The following NDFIP1 variants were observed in gnomAD, a reference collection of about 807,000 sequenced individuals.
The protein encoded by NDFIP1 is Nedd4 family interacting protein 1.
In NDFIP1, 7 loss-of-function variants were observed where a neutral mutation model predicts 28.8. The observed-to-expected ratio is 0.24, with a 90% CI of 0.14 to 0.46. NDFIP1 has a LOEUF of 0.46. Ranked by LOEUF, NDFIP1 falls within the 20% of genes least tolerant of loss-of-function variation. The pLI is 0.99. For synonymous variants in NDFIP1, 92 were observed against 101.0 expected, an observed-to-expected ratio of 0.91 and a Z score of 0.53; for missense variants, 194 against 269.1, an observed-to-expected ratio of 0.72 and a Z score of 1.95.
chr5:142,139,201 C>T (rs1757303684), intron 5 of NDFIP1, among the ~76,000 whole-genome samples: 2 of 145,460 alleles, frequency 1.4e-5, no homozygotes, highest in African/African-American at 5.2e-5. Flanking sequence ...GCCTGGGCGA[C>T]AGAGCGAGAC....
chr5:142,112,187 A>C (rs561355450), intron 1 of NDFIP1, among the ~76,000 whole-genome samples: 3 of 152,194 alleles, frequency 2.0e-5, no homozygotes, highest in African/African-American at 7.2e-5. Flanking sequence ...AGAGATTGAG[A>C]CCATCCTGGC....
At chr5:142,116,930 C>T (rs560117658) in intron 1 of NDFIP1, among the ~76,000 whole-genome samples, 3 of 152,168 alleles carry the variant, frequency 2.0e-5, no homozygotes, top group African/African-American at 4.8e-5. Flanking sequence ...AGGCTGGTCT[C>T]GAACTCCTGG....
At chr5:142,141,985 A>T (rs1596794035) in intron 6 of NDFIP1, among the ~76,000 whole-genome samples, 1 of 152,144 alleles carries the variant, frequency 6.6e-6, no homozygotes, top group East Asian at 1.9e-4. Context: ...AAATTTTTTT[A>T]AATTAACCAA....
intron 3 of NDFIP1, among the ~76,000 whole-genome samples, chr5:142,133,777 G>T (rs1044034673): frequency 2.0e-5 from 3 of 152,178 alleles, no homozygotes; most frequent in Non-Finnish European, 4.4e-5. Context: ...TAGGTAAAAA[G>T]CTTTGTATAA....
chr5:142,136,357 CAGG>C (rs902306523), intron 4 of NDFIP1, among the ~76,000 whole-genome samples: 2 of 152,142 alleles, frequency 1.3e-5, no homozygotes, highest in African/African-American at 2.4e-5. Context: ...ATTCAGAGAA[CAGG>C]AGGATGAGTG....
At chr5:142,125,319 T>G (rs1757159920) in intron 1 of NDFIP1, among the ~76,000 whole-genome samples, 1 of 152,232 alleles carries the variant, frequency 6.6e-6, no homozygotes. Context: ...TTCAGTTCTC[T>G]TGGGTATATA....
intron 7 of NDFIP1, among the ~76,000 whole-genome samples, chr5:142,146,457 T>G (rs1363530968): frequency 1.3e-5 from 2 of 152,240 alleles, no homozygotes; most frequent in African/African-American, 4.8e-5. Flanking sequence ...AATTTATAGT[T>G]AGCCTTAGGT....
At position 142,153,651 on chromosome 5, in the gene NDFIP1, G is replaced by T. The variant is rs1431642084; in HGVS notation, c.*1923G>T. On this transcript the variant is annotated 3_prime_UTR_variant, in exon 8 of 8. Coordinates refer to ENST00000253814, the MANE Select transcript of NDFIP1 (RefSeq NM_030571.4). Reference sequence around the variant, plus strand: ...CGAATCAGATTATAGCAACAATGGAGTTTGGAAGTTTGTATGGCCTATAAT... The same window carrying T: ...CGAATCAGATTATAGCAACAATGGATTTTGGAAGTTTGTATGGCCTATAAT... 2 of 294,730 alleles carry T rather than the reference G, an allele frequency of 6.8e-6. No homozygotes were observed. Among genetic ancestry groups the T allele is most frequent in the Admixed American group, 8.8e-5 (2 of 22,718 alleles). The allele number at this position is 294,730 out of a possible 1,614,324, so 18.3% of individuals were successfully genotyped here. A position where few individuals can be genotyped will look rare whatever the true frequency, so the allele number is the denominator to read the frequency against.
chr5:142,141,303 G>T (rs1296036855), intron 6 of NDFIP1, among the ~76,000 whole-genome samples: 7 of 149,584 alleles, frequency 4.7e-5, no homozygotes, highest in Non-Finnish European at 1.0e-4. Flanking sequence ...AGCCTCCCGA[G>T]TAGCTGGGAC....
At chr5:142,149,744 C>G (rs1243958807) in intron 7 of NDFIP1, among the ~76,000 whole-genome samples, 1 of 152,124 alleles carries the variant, frequency 6.6e-6, no homozygotes, top group Non-Finnish European at 1.5e-5. Context: ...CAGGCTTTGA[C>G]TTTGAGGGAT....
At position 142,144,601 on chromosome 5, in the gene NDFIP1, A is replaced by T. The variant is rs777268951; in HGVS notation, c.593A>T (p.Asn198Ile). Reference protein sequence around the residue: ...GFLLFLRGFINYAKVRKMPET... With the variant: ...GFLLFLRGFIIYAKVRKMPET... Reference sequence around the variant, plus strand: ...CTCCTGTTTCTCAGAGGATTTATCAATTATGCAAAAGTTCGGAAGATGCCA... The same window carrying T: ...CTCCTGTTTCTCAGAGGATTTATCATTTATGCAAAAGTTCGGAAGATGCCA... The change falls in exon 7 of 8, where the codon AAT becomes ATT. Residue 198 changes from asparagine (N) to isoleucine (I), a missense_variant. Coordinates refer to ENST00000253814, the MANE Select transcript of NDFIP1 (RefSeq NM_030571.4). 1 of 1,612,674 alleles carries T rather than the reference A, an allele frequency of 6.2e-7. No individual in the cohort carries two copies. The highest frequency in any genetic ancestry group is 1.1e-5 in the South Asian group (1 of 90,698).
At chr5:142,126,975 A>C (rs1387553904) in intron 1 of NDFIP1, among the ~76,000 whole-genome samples, 1 of 121,960 alleles carries the variant, frequency 8.2e-6, no homozygotes, top group Non-Finnish European at 1.7e-5. Context: ...GATACAGAGG[A>C]AGGTGATAAG....
intron 1 of NDFIP1, among the ~76,000 whole-genome samples, chr5:142,118,094 A>G (rs1202407476): frequency 3.3e-5 from 5 of 152,132 alleles, no homozygotes; most frequent in African/African-American, 9.7e-5. Context: ...CATATGCCCT[A>G]TGCCCAGCTT....
chr5:142,134,719 A>G (rs544651899), intron 3 of NDFIP1, among the ~76,000 whole-genome samples: 18 of 152,342 alleles, frequency 1.2e-4, no homozygotes, highest in South Asian at 2.1e-4. Flanking sequence ...ACACACACCT[A>G]TATCAGTTAA....
At chr5:142,141,353 T>G (rs1371012961) in intron 6 of NDFIP1, among the ~76,000 whole-genome samples, 1 of 151,638 alleles carries the variant, frequency 6.6e-6, no homozygotes, top group Admixed American at 6.6e-5. Context: ...TTTTTTTGTA[T>G]TTTTAGTAGA....
chr5:142,113,594 C>T (rs115459895), intron 1 of NDFIP1, among the ~76,000 whole-genome samples: 3,217 of 152,286 alleles, frequency 0.021, 70 homozygotes, highest in Middle Eastern at 0.044. Flanking sequence ...ATGTTAACCA[C>T]TTTTAAGTAT....
intron 1 of NDFIP1, among the ~76,000 whole-genome samples, chr5:142,126,861 G>A (rs4912624): frequency 6.6e-6 from 1 of 152,140 alleles, no homozygotes; most frequent in African/African-American, 2.4e-5. Flanking sequence ...TGTCTTAAAC[G>A]TGTTAAATTC....
At chr5:142,147,329 G>A (rs1472129448) in intron 7 of NDFIP1, among the ~76,000 whole-genome samples, 1 of 152,148 alleles carries the variant, frequency 6.6e-6, no homozygotes, top group East Asian at 1.9e-4. Flanking sequence ...AGATCCAGAT[G>A]TAGAATCCCT....
At chr5:142,121,192 A>G (rs995855711) in intron 1 of NDFIP1, among the ~76,000 whole-genome samples, 2 of 152,226 alleles carry the variant, frequency 1.3e-5, no homozygotes, top group Non-Finnish European at 2.9e-5. Context: ...TGTGATCAAG[A>G]TAAGTTTTCC....
Sources: gnomAD v4.1 joint callset for allele counts (sites outside exome capture counted in the v4.1 genomes callset) on GRCh38, gnomAD v4.1.1 for gene constraint, MANE v1.5 for transcripts, NCBI Gene and HGNC (gene_info 2026-07-23, HGNC 2026-07-21) for gene names.